Variants in CCM2 observed in about 807,000 individuals in gnomAD.
CCM2 encodes the protein cerebral cavernous malformations 2 protein.
In CCM2, 25 loss-of-function variants were observed where a neutral mutation model predicts 44.9. The ratio of observed to expected loss-of-function variants is 0.56; its 90% CI spans 0.41 to 0.78. CCM2 has a LOEUF of 0.78. CCM2 is among the 30% of genes least tolerant of loss of function. The probability of loss-of-function intolerance (pLI) is 0.00; values close to 1 mark genes in which losing one functional copy is unlikely to be tolerated. For missense variants in CCM2, 481 were observed against 580.6 expected, an observed-to-expected ratio of 0.83 and a Z score of 1.76; for synonymous variants, 219 against 241.1, an observed-to-expected ratio of 0.91 and a Z score of 0.85.
intron 1 of CCM2, among the ~76,000 whole-genome samples, chr7:45,003,082 C>T (rs1264880840): frequency 2.0e-5 from 3 of 152,112 alleles, no homozygotes; most frequent in Non-Finnish European, 4.4e-5. Flanking sequence ...CTATGTAATT[C>T]CTTTTTTTTT....
At chr7:45,046,592 A>C (rs1272796914) in intron 2 of CCM2, among the ~76,000 whole-genome samples, 1 of 152,238 alleles carries the variant, frequency 6.6e-6, no homozygotes, top group Non-Finnish European at 1.5e-5. Context: ...TTAAACACAA[A>C]AATTAACTCA....
intron 2 of CCM2, among the ~76,000 whole-genome samples, chr7:45,054,361 G>T (rs931696489): frequency 6.6e-6 from 1 of 152,092 alleles, no homozygotes; most frequent in African/African-American, 2.4e-5. Context: ...CATTTACCCA[G>T]CTATCCCCAT....
At chr7:45,067,406 A>G (rs1038546943) in intron 4 of CCM2, among the ~76,000 whole-genome samples, 1 of 138,380 alleles carries the variant, frequency 7.2e-6, no homozygotes, top group African/African-American at 2.8e-5. Flanking sequence ...CAGGTGATCC[A>G]CCCGCCTTGG....
intron 4 of CCM2, among the ~76,000 whole-genome samples, chr7:45,066,622 A>G (rs1483533539): frequency 6.6e-6 from 1 of 152,210 alleles, no homozygotes; most frequent in African/African-American, 2.4e-5. Context: ...GGCCAGGTCT[A>G]GCTGCAATAG....
At chr7:45,046,695 G>A (rs764385750) in intron 2 of CCM2, among the ~76,000 whole-genome samples, 14 of 152,222 alleles carry the variant, frequency 9.2e-5, no homozygotes, top group Non-Finnish European at 1.9e-4. Context: ...TCTGAGACTT[G>A]ATACCTAAAG....
At chr7:44,999,763 G>C, upstream of CCM2, 1 of 450,632 alleles carries the variant, frequency 2.2e-6, no homozygotes, top group Non-Finnish European at 4.4e-6. Flanking sequence ...GAAGTCGGCC[G>C]CCGTAAAGAT....
Position 45,036,115 on chromosome 7 carries a change from A to G in CCM2, c.31-2138A>G, listed in dbSNP as rs148890644. ...CATGCCTAGGACCTGAGGAACATCT[A>G]TCTTTACTGGTAGAAGAAAGAGAGC... On this transcript the variant is annotated intron_variant, in intron 1 of 9. Coordinates refer to ENST00000258781, the MANE Select transcript of CCM2 (RefSeq NM_031443.4). Among the ~76,000 whole-genome samples the G allele has an allele frequency of 1.3e-4, 20 of 152,246 alleles. No homozygotes were observed. The East Asian group carries it at 1.4e-3, about 10-fold the overall frequency.
intron 2 of CCM2, among the ~76,000 whole-genome samples, chr7:45,050,419 T>C (rs544434131): frequency 5.3e-5 from 8 of 152,342 alleles, no homozygotes; most frequent in Middle Eastern, 3.4e-3. Context: ...ACTGCCATAT[T>C]GTATGAGGAA....
chr7:45,029,985 A>C (rs10271311), intron 1 of CCM2, among the ~76,000 whole-genome samples: 23,764 of 152,214 alleles, frequency 0.16, 3,702 homozygotes, highest in African/African-American at 0.4. Flanking sequence ...CTGAGGTGGC[A>C]TATATTCCAT....
At chr7:45,007,322 A>C (rs1795885480) in intron 1 of CCM2, among the ~76,000 whole-genome samples, 1 of 152,150 alleles carries the variant, frequency 6.6e-6, no homozygotes, top group Non-Finnish European at 1.5e-5. Context: ...TGTCCTCTGC[A>C]TGCATCGCTG....
intron 4 of CCM2, among the ~76,000 whole-genome samples, chr7:45,066,086 T>A (rs751115372): frequency 1.3e-5 from 2 of 152,110 alleles, no homozygotes. Context: ...AGGAAATGGA[T>A]GACAGATTTT....
intron 1 of CCM2, among the ~76,000 whole-genome samples, chr7:45,029,705 G>A (rs1796867884): frequency 6.6e-6 from 1 of 152,208 alleles, no homozygotes; most frequent in Non-Finnish European, 1.5e-5. Flanking sequence ...AGCTGATAAT[G>A]TTGAGCTTCA....
chr7:45,064,585 T>G lies in CCM2; in HGVS notation c.411T>G (p.His137Gln). 6.2e-7 allele frequency: 1 copy of G among 1,614,054 alleles called. No homozygotes were observed. Among genetic ancestry groups the G allele is most frequent in the Non-Finnish European group, 8.5e-7 (1 of 1,180,042 alleles). The change falls in exon 4 of 10, where the codon CAT becomes CAG. Residue 137 changes from histidine to glutamine, a missense_variant. By Grantham distance (24) the His-to-Gln change is conservative (BLOSUM62 0). Coordinates refer to ENST00000258781, the MANE Select transcript of CCM2 (RefSeq NM_031443.4). ...ATATCATCCTCAGGGTGCCCATCCA[T>G]GACATCGCCGCCGTCTCCTATGTTC... ...GEDIILRVPIHDIAAVSYVRD... is the reference protein window; with the variant it reads ...GEDIILRVPIQDIAAVSYVRD...
rs530562626 is a variant in CCM2, at chr7:45,014,374, C to T, written c.30+14011C>T. On this transcript the variant is annotated intron_variant, in intron 1 of 9. Coordinates refer to ENST00000258781, the MANE Select transcript of CCM2 (RefSeq NM_031443.4). ...CAGGCTGGTCTCGAACTCCTGACCTCGTGATCCGCCCACCTCGGCCTCCCA... is the reference window on the plus strand; with the variant it reads ...CAGGCTGGTCTCGAACTCCTGACCTTGTGATCCGCCCACCTCGGCCTCCCA... 2.9e-4 allele frequency among the ~76,000 whole-genome samples: 44 copies of T among 152,216 alleles called. No individual in the cohort carries two copies. In the South Asian group the frequency reaches 8.9e-3, roughly 31 times the overall value.
intron 1 of CCM2, among the ~76,000 whole-genome samples, chr7:45,033,999 A>G (rs1389742117): frequency 1.3e-5 from 2 of 152,178 alleles, no homozygotes; most frequent in African/African-American, 2.4e-5. Context: ...ATTTCTCACC[A>G]TTCTCCCATG....
At chr7:45,057,677 A>G (rs969119756) in intron 2 of CCM2, among the ~76,000 whole-genome samples, 6 of 152,208 alleles carry the variant, frequency 3.9e-5, no homozygotes, top group East Asian at 1.9e-4. Flanking sequence ...AAACATTCCA[A>G]AATGTTCACT....
chr7:45,048,554 A>G lies in CCM2; in HGVS notation c.204+10128A>G, dbSNP rs1051728639. On this transcript the variant is annotated intron_variant, in intron 2 of 9. Coordinates refer to ENST00000258781, the MANE Select transcript of CCM2 (RefSeq NM_031443.4). ...CCGAGGCAGGCGGATCACGAGGTCA[A>G]GAGATCTAGACTATCCTGGCCAACA... 3.3e-5 allele frequency among the ~76,000 whole-genome samples: 5 copies of G among 152,156 alleles called. No homozygotes were observed. The South Asian group carries it at 6.2e-4, about 19-fold the overall frequency.
chr7:45,048,025 A>G (rs183647421), intron 2 of CCM2, among the ~76,000 whole-genome samples: 43 of 152,362 alleles, frequency 2.8e-4, no homozygotes, highest in Admixed American at 5.2e-4. Context: ...CTAAGTTGTA[A>G]GAAAAGAGAG....
At chr7:45,040,365 C>T (rs767155269) in intron 2 of CCM2, among the ~76,000 whole-genome samples, 43 of 150,816 alleles carry the variant, frequency 2.9e-4, no homozygotes, top group Non-Finnish European at 4.9e-4. Context: ...GGCAATAGAG[C>T]GAGACTCCGT....
Sources: allele counts gnomAD v4.1 joint callset (sites outside exome capture counted in the v4.1 genomes callset), GRCh38; gene constraint gnomAD v4.1.1; transcripts MANE v1.5; gene names NCBI Gene and HGNC (gene_info 2026-07-23, HGNC 2026-07-21).